The following ADAM32 variants were observed in gnomAD, a reference collection of about 807,000 sequenced individuals.
The protein encoded by ADAM32 is ADAM metallopeptidase domain 32.
In ADAM32, 89 loss-of-function variants were observed where a neutral mutation model predicts 114.9. The observed-to-expected ratio is 0.77, with a 90% confidence interval of 0.65 to 0.92. The LOEUF is 0.92. ADAM32 is among the 40% of genes least tolerant of loss of function. ADAM32 has a pLI of 0.00. For missense variants in ADAM32, 870 were observed against 932.8 expected (o/e 0.93, Z 0.88); for synonymous variants, 285 against 307.5 (o/e 0.93, Z 0.77).
chr8:39,163,995 C>A (rs114437195), intron 7 of ADAM32, among the ~76,000 whole-genome samples: 108 of 152,236 alleles, frequency 7.1e-4, no homozygotes, highest in African/African-American at 2.5e-3. Context: ...TATACATACA[C>A]ACACACTCAT....
chr8:39,274,170 T>C (rs1812925822), intron 20 of ADAM32, 142 bp from the exon 21 acceptor site: 1 of 779,850 alleles, frequency 1.3e-6, no homozygotes, highest in Non-Finnish European at 2.1e-6. Context: ...CTATGTTCAG[T>C]GACCTTTGGA....
upstream of ADAM32, chr8:39,107,697 C>T (rs1588448912): frequency 1.9e-6 from 3 of 1,546,272 alleles, no homozygotes; most frequent in African/African-American, 2.7e-5. Flanking sequence ...GGAGCGGCCC[C>T]CGGCGTCCGC....
At chr8:39,204,433 A>C (rs1585533349) in intron 11 of ADAM32, among the ~76,000 whole-genome samples, 1 of 152,278 alleles carries the variant, frequency 6.6e-6, no homozygotes, top group East Asian at 1.9e-4. Flanking sequence ...CAGCTACTGA[A>C]GCTTGTGCAT....
chr8:39,142,675 T>C (rs1262929482), intron 3 of ADAM32, among the ~76,000 whole-genome samples: 1 of 152,164 alleles, frequency 6.6e-6, no homozygotes, highest in African/African-American at 2.4e-5. Flanking sequence ...CTGACAATTA[T>C]GTGTCTTGGG....
At chr8:39,205,992 G>A (rs906432359) in intron 11 of ADAM32, among the ~76,000 whole-genome samples, 22 of 152,202 alleles carry the variant, frequency 1.4e-4, no homozygotes, top group African/African-American at 5.1e-4. Flanking sequence ...GGCACATCTG[G>A]TGTATCAGTT....
At chr8:39,178,904 C>T (rs1170355633) in intron 10 of ADAM32, among the ~76,000 whole-genome samples, 4 of 152,154 alleles carry the variant, frequency 2.6e-5, no homozygotes, top group African/African-American at 9.7e-5. Context: ...CTGCTTCTTC[C>T]TCTGTGAGCT....
intron 3 of ADAM32, among the ~76,000 whole-genome samples, chr8:39,144,372 C>T (rs1431995402): frequency 2.6e-5 from 4 of 152,198 alleles, no homozygotes; most frequent in Non-Finnish European, 5.9e-5. Context: ...CCTCCCTTTT[C>T]CTGTTTTTGA....
intron 12 of ADAM32, chr8:39,221,362 T>A (rs1308483557): frequency 2.7e-6 from 1 of 372,748 alleles, no homozygotes; most frequent in Non-Finnish European, 4.9e-6. Context: ...TCTGACATTC[T>A]CCATGTCTTT....
intron 9 of ADAM32, chr8:39,167,722 T>C (rs1201839714): frequency 1.3e-5 from 2 of 152,194 alleles, no homozygotes; most frequent in African/African-American, 2.4e-5. Flanking sequence ...CTTTCAGCAT[T>C]GTTTTGTAGT....
At chr8:39,133,962 C>A (rs1485446642) in intron 2 of ADAM32, among the ~76,000 whole-genome samples, 1 of 152,140 alleles carries the variant, frequency 6.6e-6, no homozygotes, top group Non-Finnish European at 1.5e-5. Context: ...AGGTAGCTCT[C>A]AGGTTCTGGG....
intron 1 of ADAM32, among the ~76,000 whole-genome samples, chr8:39,112,535 T>C (rs182608342): frequency 6.6e-6 from 1 of 152,340 alleles, no homozygotes; most frequent in Admixed American, 6.5e-5. Flanking sequence ...AGCCTTTCAG[T>C]CTTTCTAATA....
intron 13 of ADAM32, 133 bp downstream of exon 13, chr8:39,221,835 G>C (rs1347852823): frequency 6.4e-6 from 4 of 626,680 alleles, no homozygotes; most frequent in Non-Finnish European, 1.0e-5. Flanking sequence ...AATAAATTCA[G>C]AATCAGATTT....
intron 7 of ADAM32, among the ~76,000 whole-genome samples, chr8:39,161,968 C>G (rs1193782701): frequency 6.7e-6 from 1 of 148,164 alleles, no homozygotes; most frequent in Admixed American, 6.8e-5. Flanking sequence ...AAAAGCTTCT[C>G]CAAATTGCCA....
chr8:39,220,016 TTGGTGATCTGTCTAACAC>T (rs1808843198), intron 12 of ADAM32, among the ~76,000 whole-genome samples: 1 of 152,168 alleles, frequency 6.6e-6, no homozygotes, highest in African/African-American at 2.4e-5. Context: ...GTTTTCTGTC[TTGGTGATCTGTCTAACAC>T]TGTCAGTGGG....
intron 2 of ADAM32, among the ~76,000 whole-genome samples, chr8:39,135,721 C>G (rs1428608352): frequency 6.6e-6 from 1 of 152,098 alleles, no homozygotes; most frequent in African/African-American, 2.4e-5. Flanking sequence ...CTTGACAGTT[C>G]TGAGGAGGTC....
At position 39,206,439 on chromosome 8, in the gene ADAM32, G is replaced by A. The variant is rs559743702; in HGVS notation, c.1053-4705G>A. Among the ~76,000 whole-genome samples, 13 of 152,316 alleles carry A rather than the reference G, an allele frequency of 8.5e-5. No individual in the cohort carries two copies. The East Asian group carries it at 1.9e-3, about 23-fold the overall frequency. On this transcript the variant is annotated intron_variant, in intron 11 of 24. Coordinates refer to ENST00000379907, the MANE Select transcript of ADAM32 (RefSeq NM_145004.7). ...TCAGGTTTCCAGATGGTCTGCATGG[G>A]CACTGAAGTCAGCAGGTGGGGCAAG...
chr8:39,170,936 G>GTA (rs969810225), intron 10 of ADAM32, among the ~76,000 whole-genome samples: 93 of 149,966 alleles, frequency 6.2e-4, no homozygotes, highest in South Asian at 2.5e-3. Context: ...ATAAGTTCTA[G>GTA]TATATATATA....
chr8:39,181,289 C>G (rs1008537942), intron 10 of ADAM32, among the ~76,000 whole-genome samples: 1 of 152,316 alleles, frequency 6.6e-6, no homozygotes, highest in African/African-American at 2.4e-5. Context: ...ATGAGCCCAC[C>G]AGGAGGAACG....
chr8:39,253,127 A>T (rs764982887), intron 17 of ADAM32, among the ~76,000 whole-genome samples: 1 of 151,702 alleles, frequency 6.6e-6, no homozygotes, highest in Non-Finnish European at 1.5e-5. Flanking sequence ...TATTCCTGGG[A>T]TGCAAGGATG....
Sources: gnomAD v4.1 joint callset for allele counts (sites outside exome capture counted in the v4.1 genomes callset) on GRCh38, gnomAD v4.1.1 for gene constraint, MANE v1.5 for transcripts, NCBI Gene and HGNC (gene_info 2026-07-23, HGNC 2026-07-21) for gene names.